EXOSC1: variants seen among roughly 807,000 people sequenced by gnomAD.
EXOSC1 encodes exosome component 1.
EXOSC1 carries 27 observed loss-of-function variants against 31.4 expected under a neutral mutation model. That is an observed-to-expected ratio of 0.86 (90% CI 0.63 to 1.18). The LOEUF (loss-of-function observed/expected upper bound fraction) is 1.18. Among genes scored for constraint, EXOSC1 ranks in the 50% most tolerant of loss-of-function variants. EXOSC1 has a pLI of 0.00. For synonymous variants in EXOSC1, 84 were observed against 89.5 expected (o/e 0.94, Z 0.35); for missense variants, 228 against 250.3 (o/e 0.91, Z 0.60).
At chr10:97,443,346 G>A in intron 2 of EXOSC1, 35 bp from the exon 3 acceptor site, 2 of 1,592,628 alleles carry the variant, frequency 1.3e-6, no homozygotes, top group Non-Finnish European at 1.7e-6. Flanking sequence ...GAAATGTCCT[G>A]ACTAACCCTT....
At position 97,443,301 on chromosome 10, in the gene EXOSC1, A is replaced by G; in HGVS notation, c.158T>C (p.Val53Ala). The change falls in exon 3 of 8, where the codon GTG becomes GCG. Residue 53 changes from valine to alanine, a missense_variant. Physicochemically the swap from Val to Ala is moderately conservative, Grantham distance 64 (BLOSUM62 0). Coordinates refer to ENST00000370902, the MANE Select transcript of EXOSC1 (RefSeq NM_016046.5). The part of the protein sequence containing the change: ...KSSENGALPV[V>A]SVVRETESQL... ...GGACTCTGTTTCTCTCACTACAGAC[A>G]CCACTGGAAGCTACAGAGGGAACAA... is the stretch of plus-strand genomic sequence containing the variant. 2 of 1,614,068 alleles carry G rather than the reference A, an allele frequency of 1.2e-6. No homozygotes were observed. Among genetic ancestry groups the G allele is most frequent in the Non-Finnish European group, 1.7e-6 (2 of 1,179,974 alleles).
In EXOSC1 at chr10:97,437,676, A is replaced by C. The variant is rs199945025; in HGVS notation, c.396+24T>G. ...TTCTCTTCTTTTGACAAAGGACCAG[A>C]AGTCTGCTGGGAATAAAGGATACCA... On this transcript the variant is annotated intron_variant, in intron 6 of 7. Transcript: ENST00000370902. The C allele has an allele frequency of 1.4e-5, 23 of 1,610,430 alleles. 1 individual carries two copies. In the East Asian group the frequency reaches 4.7e-4, roughly 33 times the overall value.
At chr10:97,445,048 T>G (rs1845875495) in intron 2 of EXOSC1, 1 of 152,068 alleles carries the variant, frequency 6.6e-6, no homozygotes. Context: ...ACATAGTGCT[T>G]GGAAGAAAAG....
chr10:97,439,224 T>A (rs1845640444), intron 4 of EXOSC1, among the ~76,000 whole-genome samples: 1 of 152,172 alleles, frequency 6.6e-6, no homozygotes, highest in African/African-American at 2.4e-5. Flanking sequence ...CAGATCGGAT[T>A]TGGCAAGAAA....
In EXOSC1 at chr10:97,443,440, C is replaced by T. The variant is rs1334974761; in HGVS notation, c.148-129G>A. Reference sequence around the variant, plus strand: ...GTTGGAGTATGGATTCATTTATAGCCCAGAGCAGAAGGCCTTAGAAATTTT... The same window carrying T: ...GTTGGAGTATGGATTCATTTATAGCTCAGAGCAGAAGGCCTTAGAAATTTT... On this transcript the variant is annotated intron_variant, in intron 2 of 7. Transcript: ENST00000370902. The T allele has an allele frequency of 5.1e-6, 4 of 785,042 alleles. No homozygotes were observed. In the African/African-American group the frequency reaches 5.2e-5, roughly 10 times the overall value. The allele number at this position is 785,042 out of a possible 1,614,324, so 48.6% of individuals were successfully genotyped here. A position where few individuals can be genotyped will look rare whatever the true frequency, so the allele number is the denominator to read the frequency against.
In EXOSC1 at chr10:97,436,252, GA is replaced by G. The variant is rs1249711767; in HGVS notation, c.*192del. The G allele has an allele frequency of 1.6e-5, 8 of 499,776 alleles. No individual in the cohort carries two copies. Among genetic ancestry groups the G allele is most frequent in the Non-Finnish European group, 2.8e-5 (8 of 282,982 alleles). 31.0% of individuals were successfully genotyped at this position (499,776 alleles called of 1,614,324 possible). A position where few individuals can be genotyped will look rare whatever the true frequency, so the allele number is the denominator to read the frequency against. Reference sequence around the variant, plus strand: ...GTTTTGTTTGTTGGTGCCTTGAAAAGATAAGATTTATTACTCAAGAGAATGA... The same window carrying G: ...GTTTTGTTTGTTGGTGCCTTGAAAAGTAAGATTTATTACTCAAGAGAATGA... On this transcript the variant is annotated 3_prime_UTR_variant, in exon 8 of 8. Transcript: ENST00000370902.
intron 4 of EXOSC1, 38 bp downstream of exon 4, chr10:97,441,133 C>T: frequency 1.3e-6 from 2 of 1,515,872 alleles, no homozygotes; most frequent in Non-Finnish European, 1.8e-6. Context: ...TAATCTTATT[C>T]CAGTTGCTAA....
chr10:97,438,063 G>A (rs1421855930), intron 5 of EXOSC1, among the ~76,000 whole-genome samples: 3 of 151,928 alleles, frequency 2.0e-5, no homozygotes, highest in Admixed American at 6.6e-5. Flanking sequence ...GGGATTATAG[G>A]TGCATGGCAC....
intron 4 of EXOSC1, among the ~76,000 whole-genome samples, chr10:97,439,838 G>A (rs1709078807): frequency 6.6e-6 from 1 of 151,982 alleles, no homozygotes; most frequent in African/African-American, 2.4e-5. Flanking sequence ...TTATCTGCCT[G>A]GCAAGAAATG....
intron 5 of EXOSC1, 84 bp from the exon 6 acceptor site, chr10:97,437,834 T>G (rs1845592309): frequency 1.8e-6 from 2 of 1,106,624 alleles, no homozygotes; most frequent in Non-Finnish European, 2.8e-6. Flanking sequence ...AAAGCCAATC[T>G]ACTTTCTAAT....
At chr10:97,437,866 T>C (rs993252046) in intron 5 of EXOSC1, 116 bp from the exon 6 acceptor site, 4 of 839,106 alleles carry the variant, frequency 4.8e-6, no homozygotes, top group Non-Finnish European at 7.8e-6. Context: ...GAAATCATCA[T>C]TACTCATGTC....
Position 97,445,812 on chromosome 10 carries a change from C to T in EXOSC1, c.67G>A (p.Gly23Ser). The T allele has an allele frequency of 6.2e-7, 1 of 1,613,926 alleles. No homozygotes were observed. Among genetic ancestry groups the T allele is most frequent in the Non-Finnish European group, 8.5e-7 (1 of 1,179,896 alleles). Residue 23 changes from glycine (G) to serine (S), a missense_variant, in exon 2 of 8, where the codon GGC becomes AGC. Transcript: ENST00000370902. ...CCGTGGCGGGTGTAGGTGCCGCTGC[C>T]CGGGCTGCCCTCCTCCAAGTTACAC... ...RLCNLEEGSP[G>S]SGTYTRHGYI...
Position 97,439,182 on chromosome 10 carries a change from A to C in EXOSC1, c.312-479T>G, listed in dbSNP as rs374590972. 1.7e-3 allele frequency among the ~76,000 whole-genome samples: 259 copies of C among 152,316 alleles called. 1 individual carries two copies. Among genetic ancestry groups the C allele is most frequent in the African/African-American group, 5.6e-3 (231 of 41,576 alleles). On this transcript the variant is annotated intron_variant, in intron 4 of 7. Transcript: ENST00000370902. ...AGAAGCATCCTCAGACCACATGGAG[A>C]GGCAGTATCAATACCTCTGATTAGA...
At chr10:97,437,099 C>A (rs1313956870) in intron 7 of EXOSC1, 92 bp downstream of exon 7, 2 of 1,113,004 alleles carry the variant, frequency 1.8e-6, no homozygotes, top group East Asian at 2.4e-5. Context: ...AGCCATACTG[C>A]TTCCCAGATA....
chr10:97,442,714 C>T lies in EXOSC1; in HGVS notation c.222+523G>A, dbSNP rs1480975859. ...TTCTTCTTTTTTTTTGAGACGGAGT[C>T]TCACTCTGTTGCCCAGGCTGGACTG... On this transcript the variant is annotated intron_variant, in intron 3 of 7. Coordinates refer to ENST00000370902, the MANE Select transcript of EXOSC1 (RefSeq NM_016046.5). Among the ~76,000 whole-genome samples, 3 of 152,036 alleles carry T rather than the reference C, an allele frequency of 2.0e-5. No homozygotes were observed. The East Asian group carries it at 5.8e-4, about 29-fold the overall frequency.
chr10:97,445,745 C>A lies in EXOSC1; in HGVS notation c.134G>T (p.Ser45Ile), dbSNP rs1387472353. Residue 45 changes from serine to isoleucine, a missense_variant, in exon 2 of 8, where the codon AGC (serine) becomes ATC (isoleucine). Coordinates refer to ENST00000370902, the MANE Select transcript of EXOSC1 (RefSeq NM_016046.5). ...SSLAGCLMKS[S>I]ENGALPVVSV... is the part of the protein sequence containing the mutation. The stretch of plus-strand genomic sequence containing the variant: ...CGCTTCCTTTACCGCGCCATTCTCG[C>A]TGCTCTTCATCAGACAGCCGGCAAG... 4.3e-6 allele frequency: 7 copies of A among 1,613,378 alleles called. No homozygotes were observed. In the African/African-American group the frequency reaches 9.3e-5, roughly 22 times the overall value.
chr10:97,437,710 A>G lies in EXOSC1; in HGVS notation c.386T>C (p.Leu129Ser), dbSNP rs761705569. 1.9e-6 allele frequency: 3 copies of G among 1,613,470 alleles called. No homozygotes were observed. The highest frequency in any genetic ancestry group is 2.5e-6 in the Non-Finnish European group (3 of 1,179,572). ...YKSFRPGDIV[L>S]AKVISLGDAQ... ...GGGAATAAAGGATACCACTTTGGCC[A>G]AGACAATGTCACCTGGGCGGAAACT... Residue 129 changes from leucine (L) to serine (S), a missense_variant, in exon 6 of 8, where the codon TTG becomes TCG. Coordinates refer to ENST00000370902, the MANE Select transcript of EXOSC1 (RefSeq NM_016046.5).
chr10:97,442,038 G>A (rs1845735753), intron 3 of EXOSC1, among the ~76,000 whole-genome samples: 1 of 151,750 alleles, frequency 6.6e-6, no homozygotes, highest in African/African-American at 2.4e-5. Flanking sequence ...TTAGCCAGGC[G>A]TGGCAGCACA....
chr10:97,438,603 C>T, intron 5 of EXOSC1, 67 bp downstream of exon 5: 1 of 1,454,484 alleles, frequency 6.9e-7, no homozygotes, highest in South Asian at 1.2e-5. Flanking sequence ...CCATGCCTGG[C>T]CTGAGATAAT....
Sources: allele counts gnomAD v4.1 joint callset (sites outside exome capture counted in the v4.1 genomes callset), GRCh38; gene constraint gnomAD v4.1.1; transcripts MANE v1.5; gene names NCBI Gene and HGNC (gene_info 2026-07-23, HGNC 2026-07-21).